CPAMD8: variants seen among roughly 807,000 people sequenced by gnomAD.
The protein encoded by CPAMD8 is C3 and PZP-like alpha-2-macroglobulin domain-containing protein 8.
Under a neutral mutation model 224.7 loss-of-function variants are expected in CPAMD8, and 146 were observed. The observed-to-expected ratio is 0.65, with a 90% CI of 0.57 to 0.75. The LOEUF (loss-of-function observed/expected upper bound fraction) is 0.75. Ranked by LOEUF, CPAMD8 falls within the 30% of genes least tolerant of loss-of-function variation. The pLI is 0.00. For synonymous variants in CPAMD8, 966 were observed against 1,044.6 expected, an observed-to-expected ratio of 0.92 and a Z score of 1.45; for missense variants, 2,301 against 2,537.5, an observed-to-expected ratio of 0.91 and a Z score of 2.00.
At chr19:16,986,652 T>A (rs1187763130) in intron 13 of CPAMD8, among the ~76,000 whole-genome samples, 1 of 151,944 alleles carries the variant, frequency 6.6e-6, no homozygotes, top group Non-Finnish European at 1.5e-5. Context: ...CTCGATATGA[T>A]CAGAAAAGGA....
intron 41 of CPAMD8, 188 bp downstream of exon 41, chr19:16,895,988 G>T (rs1371603634): frequency 2.8e-6 from 2 of 726,906 alleles, no homozygotes; most frequent in Non-Finnish European, 4.9e-6. Flanking sequence ...CAGGGTGGAG[G>T]GAGGATGAAT....
chr19:16,956,585 G>A (rs541620917), intron 19 of CPAMD8, among the ~76,000 whole-genome samples: 212 of 152,266 alleles, frequency 1.4e-3, no homozygotes, highest in African/African-American at 4.7e-3. Context: ...ATTCTAACAC[G>A]TTGAGAGGCC....
intron 13 of CPAMD8, among the ~76,000 whole-genome samples, chr19:16,981,806 G>A (rs189083118): frequency 2.0e-5 from 3 of 152,312 alleles, no homozygotes; most frequent in East Asian, 1.9e-4. Context: ...CATTCTTGCC[G>A]TGGAAGCTTG....
chr19:16,893,440 G>T, intron 41 of CPAMD8, 101 bp from the exon 42 acceptor site: 1 of 825,026 alleles, frequency 1.2e-6, no homozygotes, highest in South Asian at 1.8e-5. Flanking sequence ...TAGGGTGCCA[G>T]GGGTGGGGAA....
At chr19:16,957,716 G>C (rs2054516500) in intron 19 of CPAMD8, 137 bp downstream of exon 19, 1 of 784,150 alleles carries the variant, frequency 1.3e-6, no homozygotes, top group Non-Finnish European at 2.1e-6. Context: ...GAAGTTTTGT[G>C]TGTTAGAAAA....
At chr19:17,008,698 C>A in intron 6 of CPAMD8, 139 bp from the exon 7 acceptor site, 4 of 948,176 alleles carry the variant, frequency 4.2e-6, no homozygotes, top group Admixed American at 2.0e-5. Context: ...TCATTAACCC[C>A]GGGGCAAAAA....
Position 17,000,397 on chromosome 19 carries a change from G to C in CPAMD8, c.867+17C>G. On this transcript the variant is annotated intron_variant, in intron 10 of 41. Coordinates refer to ENST00000443236, the MANE Select transcript of CPAMD8 (RefSeq NM_015692.5). Reference sequence around the variant, plus strand: ...TGGGGGTTGGGTCAGGGGGTAGAAGGGGTCCCTGTTTCTCACCTTGGTTGT... The same window carrying C: ...TGGGGGTTGGGTCAGGGGGTAGAAGCGGTCCCTGTTTCTCACCTTGGTTGT... The C allele has an allele frequency of 2.0e-6, 2 of 995,468 alleles. No individual in the cohort carries two copies. The allele number at this position is 995,468 out of a possible 1,614,324, so 61.7% of individuals were successfully genotyped here.
At chr19:16,945,467 C>T in intron 22 of CPAMD8, 82 bp downstream of exon 22, 3 of 1,552,626 alleles carry the variant, frequency 1.9e-6, no homozygotes, top group Non-Finnish European at 2.6e-6. Context: ...CAGCCTCAGA[C>T]CACACACTCC....
intron 22 of CPAMD8, among the ~76,000 whole-genome samples, chr19:16,942,058 G>A (rs1300635986): frequency 6.6e-6 from 1 of 152,114 alleles, no homozygotes. Context: ...AGACACGCCT[G>A]CTTCTCCTTC....
At chr19:16,904,625 A>T in intron 30 of CPAMD8, 73 bp from the exon 31 acceptor site, 1 of 985,446 alleles carries the variant, frequency 1.0e-6, no homozygotes, top group African/African-American at 1.6e-5. Flanking sequence ...AGCGCATCCA[A>T]GCATGGGGTC....
Position 16,933,251 on chromosome 19 carries a change from G to GA in CPAMD8, c.2846-4012dup, listed in dbSNP as rs58383042. The stretch of plus-strand genomic sequence containing the variant: ...AAAACTTAAAACTACAAAATTTTGA[G>GA]AAAAAAAAAACAGGGTTTAGCAAAG... On this transcript the variant is annotated intron_variant, in intron 23 of 41. Coordinates refer to ENST00000443236, the MANE Select transcript of CPAMD8 (RefSeq NM_015692.5). Among the ~76,000 whole-genome samples the GA allele has an allele frequency of 4.4e-3, 607 of 139,496 alleles. 4 individuals are homozygous for GA. Among genetic ancestry groups the GA allele is most frequent in the South Asian group, 7.1e-3 (31 of 4,392 alleles). 91.5% of individuals were successfully genotyped at this position (139,496 alleles called of 152,430 possible). A position where few individuals can be genotyped will look rare whatever the true frequency, so the allele number is the denominator to read the frequency against.
At position 16,903,835 on chromosome 19, in the gene CPAMD8, G is replaced by A; in HGVS notation, c.4274C>T (p.Ala1425Val). 6.2e-7 allele frequency: 1 copy of A among 1,613,900 alleles called. No homozygotes were observed. Among genetic ancestry groups the A allele is most frequent in the African/African-American group, 1.3e-5 (1 of 75,068 alleles). Residue 1425 changes from alanine (A) to valine (V), a missense_variant, in exon 33 of 42, where the codon GCC becomes GTC. By Grantham distance (64) the Ala-to-Val change is moderately conservative. Coordinates refer to ENST00000443236, the MANE Select transcript of CPAMD8 (RefSeq NM_015692.5). ...GGACAAGATGGCATATTCAGCCAAG[G>A]CCTGCAGAGCCACGCAGGTGTCCTG... ...STQDTCVALQ[A>V]LAEYAILSYA...
chr19:16,912,865 G>A (rs1198002086), intron 29 of CPAMD8, among the ~76,000 whole-genome samples: 1 of 152,114 alleles, frequency 6.6e-6, no homozygotes, highest in Non-Finnish European at 1.5e-5. Flanking sequence ...GAGAACAAAC[G>A]AGATACAAAG....
At position 16,898,175 on chromosome 19, in the gene CPAMD8, C is replaced by G; in HGVS notation, c.4849-181G>C. On this transcript the variant is annotated intron_variant, in intron 37 of 41. Transcript: ENST00000443236. The surrounding 1 kb of genome is among the most constrained non-coding windows in gnomAD (Gnocchi z 4.2). ...TTTTTTTTTTCCTGAGACAGAGTCT[C>G]GCGCTGTTGCCCAGGCTGGAGTGCA... The G allele has an allele frequency of 1.8e-6, 1 of 566,102 alleles. No homozygotes were observed. The highest frequency in any genetic ancestry group is 2.2e-5 in the South Asian group (1 of 46,470). The allele number at this position is 566,102 out of a possible 1,614,324, so 35.1% of individuals were successfully genotyped here.
At chr19:16,955,967 A>G (rs756979582) in intron 19 of CPAMD8, among the ~76,000 whole-genome samples, 2 of 152,072 alleles carry the variant, frequency 1.3e-5, no homozygotes, top group East Asian at 3.9e-4. Context: ...ATAAGCCACC[A>G]CACCCCGCCT....
intron 1 of CPAMD8, among the ~76,000 whole-genome samples, chr19:17,022,575 TACA>T (rs2056988221): frequency 6.6e-6 from 1 of 151,430 alleles, no homozygotes; most frequent in Non-Finnish European, 1.5e-5. Context: ...CTCGGCTCAC[TACA>T]ACCTCCACCT....
intron 22 of CPAMD8, 68 bp from the exon 23 acceptor site, chr19:16,938,514 G>T: frequency 1.2e-6 from 1 of 845,784 alleles, no homozygotes; most frequent in Non-Finnish European, 1.9e-6. Flanking sequence ...CAGCGGAGCA[G>T]CTGGCTCTCC....
At chr19:16,943,896 C>T (rs931003648) in intron 22 of CPAMD8, among the ~76,000 whole-genome samples, 1 of 152,130 alleles carries the variant, frequency 6.6e-6, no homozygotes. Flanking sequence ...CAGTGAGGCC[C>T]GAATTATTTC....
At chr19:17,019,032 T>C (rs2056885920) in intron 3 of CPAMD8, among the ~76,000 whole-genome samples, 1 of 152,128 alleles carries the variant, frequency 6.6e-6, no homozygotes, top group Non-Finnish European at 1.5e-5. Flanking sequence ...AAATTCCAAT[T>C]ACAGAGACTT....
Sources: allele counts gnomAD v4.1 joint callset (sites outside exome capture counted in the v4.1 genomes callset), GRCh38; gene constraint gnomAD v4.1.1; non-coding constraint Gnocchi (gnomAD v3.1); transcripts MANE v1.5; gene names NCBI Gene and HGNC (gene_info 2026-07-23, HGNC 2026-07-21).